Variants in VAC14 observed in about 807,000 individuals in gnomAD.
The protein encoded by VAC14 is protein VAC14 homolog.
VAC14 carries 47 observed loss-of-function variants against 85.3 expected under a neutral mutation model. That is an observed-to-expected ratio of 0.55 (90% CI 0.44 to 0.70). The LOEUF (loss-of-function observed/expected upper bound fraction) is 0.70. VAC14 is among the 30% of genes least tolerant of loss of function. VAC14 has a pLI of 0.00. For synonymous variants in VAC14, 447 were observed against 430.5 expected, an observed-to-expected ratio of 1.04 and a Z score of -0.47; for missense variants, 861 against 1,004.3, an observed-to-expected ratio of 0.86 and a Z score of 1.93.
chr16:70,768,637 T>C, intron 10 of VAC14: 1 of 325,400 alleles, frequency 3.1e-6, no homozygotes, highest in South Asian at 2.2e-5. Context: ...AGAGGGGAGA[T>C]GAGGGAGGGG....
chr16:70,774,305 T>C (rs1469930973), intron 9 of VAC14, among the ~76,000 whole-genome samples: 1 of 152,214 alleles, frequency 6.6e-6, no homozygotes, highest in African/African-American at 2.4e-5. Flanking sequence ...CTCTGCAGAA[T>C]GTCTCCCCGT....
intron 14 of VAC14, among the ~76,000 whole-genome samples, chr16:70,705,983 C>G (rs944617196): frequency 1.3e-5 from 2 of 152,206 alleles, no homozygotes; most frequent in South Asian, 4.1e-4. Flanking sequence ...AGGTCTCCTC[C>G]TACTGCCCAA....
intron 9 of VAC14, among the ~76,000 whole-genome samples, chr16:70,777,301 C>T (rs138797654): frequency 3.9e-5 from 6 of 152,262 alleles, no homozygotes; most frequent in Non-Finnish European, 8.8e-5. Flanking sequence ...ATGTGCTAAG[C>T]GATTTACATG....
chr16:70,768,101 G>A (rs533690813), intron 10 of VAC14, among the ~76,000 whole-genome samples: 82 of 152,246 alleles, frequency 5.4e-4, no homozygotes, highest in African/African-American at 1.9e-3. Flanking sequence ...CCCTGGACTG[G>A]TCTCTAACTC....
chr16:70,797,981 TATAAA>T (rs1454484259), intron 1 of VAC14, among the ~76,000 whole-genome samples: 1 of 152,216 alleles, frequency 6.6e-6, no homozygotes, highest in Non-Finnish European at 1.5e-5. Flanking sequence ...CTCTTTTCTT[TATAAA>T]TTACCCAGTC....
intron 16 of VAC14, chr16:70,696,801 G>T: frequency 3.5e-6 from 1 of 289,706 alleles, no homozygotes; most frequent in Non-Finnish European, 6.8e-6. Flanking sequence ...TCTCCCAGGG[G>T]CAGGAGCTGG....
chr16:70,712,906 G>A (rs902449818), intron 14 of VAC14, among the ~76,000 whole-genome samples: 4 of 152,188 alleles, frequency 2.6e-5, no homozygotes, highest in Non-Finnish European at 4.4e-5. Flanking sequence ...TGGGGAAGGT[G>A]CTACCTCCCC....
chr16:70,759,385 G>A (rs997469632), intron 12 of VAC14, among the ~76,000 whole-genome samples: 7 of 152,174 alleles, frequency 4.6e-5, no homozygotes, highest in African/African-American at 1.7e-4. Context: ...CCAGCACTTC[G>A]GGAGGCCAAG....
chr16:70,800,727 T>G, intron 1 of VAC14, 70 bp downstream of exon 1: 62 of 1,395,790 alleles, frequency 4.4e-5, no homozygotes, highest in Middle Eastern at 1.8e-4. Flanking sequence ...TGGGAAGGCG[T>G]GAGAAGTCCC....
Position 70,762,778 on chromosome 16 carries a change from C to G in VAC14, c.1305+103G>C. 1 of 1,570,850 alleles carries G rather than the reference C, an allele frequency of 6.4e-7. No homozygotes were observed. Among genetic ancestry groups the G allele is most frequent in the South Asian group, 1.2e-5 (1 of 86,304 alleles). On this transcript the variant is annotated intron_variant, in intron 11 of 18. Coordinates refer to ENST00000261776, the MANE Select transcript of VAC14 (RefSeq NM_018052.5). The surrounding 1 kb of genome is among the most constrained non-coding windows in gnomAD (Gnocchi z 4.1). Reference sequence around the variant, plus strand: ...GTCACTTCTCTGCCGGCCAGGGTTTCCCTAGAAGGGCAATGACCAAAATGC... The same window carrying G: ...GTCACTTCTCTGCCGGCCAGGGTTTGCCTAGAAGGGCAATGACCAAAATGC...
chr16:70,698,116 G>A (rs374334418), intron 15 of VAC14, among the ~76,000 whole-genome samples: 3 of 152,312 alleles, frequency 2.0e-5, no homozygotes, highest in African/African-American at 4.8e-5. Context: ...AGCCTGGGAC[G>A]GATGGGCAAC....
At chr16:70,790,951 C>A (rs118025859) in intron 1 of VAC14, among the ~76,000 whole-genome samples, 35 of 152,220 alleles carry the variant, frequency 2.3e-4, no homozygotes, top group African/African-American at 4.8e-5. Flanking sequence ...ATATGTCAGT[C>A]TGGAGAGCAC....
intron 12 of VAC14, among the ~76,000 whole-genome samples, chr16:70,748,676 G>T (rs2031122199): frequency 6.6e-6 from 1 of 152,168 alleles, no homozygotes; most frequent in South Asian, 2.1e-4. Context: ...GCCAGGTGCG[G>T]TGGCTCACGC....
At chr16:70,699,088 G>C (rs184743347) in intron 14 of VAC14, among the ~76,000 whole-genome samples, 1 of 152,326 alleles carries the variant, frequency 6.6e-6, no homozygotes, top group African/African-American at 2.4e-5. Context: ...AAGAGAAACA[G>C]CTGGGCCTCC....
chr16:70,781,833 C>T, intron 8 of VAC14, 36 bp downstream of exon 8: 1 of 1,609,446 alleles, frequency 6.2e-7, no homozygotes, highest in Non-Finnish European at 8.5e-7. Context: ...CCCTTTGGGG[C>T]TTCTCTCAAT....
intron 13 of VAC14, among the ~76,000 whole-genome samples, chr16:70,732,659 T>A (rs113881820): frequency 2.0e-5 from 3 of 151,042 alleles, no homozygotes; most frequent in Admixed American, 1.3e-4. Flanking sequence ...TTTTTTTTTT[T>A]AAAGACTGAG....
At chr16:70,694,711 G>A (rs931847880) in intron 17 of VAC14, among the ~76,000 whole-genome samples, 5 of 152,256 alleles carry the variant, frequency 3.3e-5, no homozygotes, top group Admixed American at 3.3e-4. Flanking sequence ...GTCATTCAAA[G>A]TGTGTATGTT....
intron 18 of VAC14, chr16:70,689,821 A>G (rs987528555): frequency 2.6e-5 from 26 of 985,402 alleles, no homozygotes; most frequent in Non-Finnish European, 3.0e-5. Context: ...TCCCAGGCAC[A>G]GTAACCTTGG....
At chr16:70,779,943 A>C (rs1222018409) in intron 9 of VAC14, among the ~76,000 whole-genome samples, 2 of 151,950 alleles carry the variant, frequency 1.3e-5, no homozygotes, top group Non-Finnish European at 2.9e-5. Flanking sequence ...CCTGGGCTCA[A>C]GTGATCCTCC....
Sources: gnomAD v4.1 joint callset for allele counts (sites outside exome capture counted in the v4.1 genomes callset) on GRCh38, gnomAD v4.1.1 for gene constraint, Gnocchi (gnomAD v3.1) non-coding constraint, MANE v1.5 for transcripts, NCBI Gene and HGNC (gene_info 2026-07-23, HGNC 2026-07-21) for gene names.